The following UNC45B variants were observed in gnomAD, a reference collection of about 807,000 sequenced individuals.
UNC45B encodes unc-45 myosin chaperone B.
A neutral mutation model predicts 98.7 loss-of-function variants in UNC45B; 78 were observed. The ratio of observed to expected loss-of-function variants is 0.79; its 90% confidence interval spans 0.66 to 0.95. The LOEUF (loss-of-function observed/expected upper bound fraction) is 0.95. UNC45B is among the 40% of genes least tolerant of loss of function. The pLI is 0.00. For synonymous variants in UNC45B, 462 were observed against 480.4 expected (o/e 0.96, Z 0.50); for missense variants, 1,225 against 1,184.9 (o/e 1.03, Z -0.50).
Position 35,151,818 on chromosome 17 carries a change from G to A in UNC45B, c.382-1075G>A, listed in dbSNP as rs193033731. Among the ~76,000 whole-genome samples, 14 of 152,346 alleles carry A rather than the reference G, an allele frequency of 9.2e-5. No individual in the cohort carries two copies. The East Asian group carries it at 2.7e-3, about 29-fold the overall frequency. On this transcript the variant is annotated intron_variant, in intron 4 of 19. Coordinates refer to ENST00000394570, the MANE Select transcript of UNC45B (RefSeq NM_001267052.2). ...CACCCCCAAAGGAAATGAGCACAAG[G>A]CTGGGTGTGGTGGCTCACGCCTGTA...
intron 9 of UNC45B, among the ~76,000 whole-genome samples, chr17:35,167,810 T>A (rs980157155): frequency 4.0e-5 from 6 of 151,780 alleles, no homozygotes; most frequent in African/African-American, 1.5e-4. Flanking sequence ...TGAGTCAGAG[T>A]GTATTTCCCA....
In UNC45B at chr17:35,150,166, A is replaced by G; in HGVS notation, c.324A>G (p.Pro108=). 2 of 1,613,730 alleles carry G rather than the reference A, an allele frequency of 1.2e-6. No individual in the cohort carries two copies. Among genetic ancestry groups the G allele is most frequent in the Non-Finnish European group, 1.7e-6 (2 of 1,179,802 alleles). The change falls in exon 4 of 20, where the codon CCA becomes CCG. Residue 108 remains proline (P), a synonymous_variant. Transcript: ENST00000394570. ...KDVQRCATLE[P]RNQNFQEMLR... Reference sequence around the variant, plus strand: ...TGCAGCGTTGTGCCACCCTCGAGCCACGGAACCAGAACTTCCAGGAGATGC... The same window carrying G: ...TGCAGCGTTGTGCCACCCTCGAGCCGCGGAACCAGAACTTCCAGGAGATGC...
chr17:35,161,306 T>C (rs963070879), intron 8 of UNC45B, among the ~76,000 whole-genome samples: 5 of 152,150 alleles, frequency 3.3e-5, no homozygotes, highest in African/African-American at 1.2e-4. Flanking sequence ...TGTTGAGGTG[T>C]TATGTGTTGT....
rs755816336 is a variant in UNC45B at position 35,171,387 on chromosome 17, T to C, written c.1755T>C (p.Asp585=). ...TTLVNCTNSY[D]VKEVIPELVQ... is the part of the protein sequence containing the mutation. ...TGGTGAACTGCACCAACAGCTACGA[T>C]GTCAAGGAGGTCATCCCAGAGCTTG... The change falls in exon 13 of 20, where the codon GAT becomes GAC. Residue 585 remains aspartate (D), a synonymous_variant. Coordinates refer to ENST00000394570, the MANE Select transcript of UNC45B (RefSeq NM_001267052.2). The C allele has an allele frequency of 1.2e-6, 2 of 1,614,054 alleles. No individual in the cohort carries two copies. The highest frequency in any genetic ancestry group is 2.7e-5 in the African/African-American group (2 of 74,930).
chr17:35,171,297 C>A (rs745602476), intron 12 of UNC45B, 25 bp from the exon 13 acceptor site: 4 of 1,606,818 alleles, frequency 2.5e-6, no homozygotes, highest in Non-Finnish European at 3.4e-6. Flanking sequence ...TCTGCTTTCC[C>A]TCTCCCCAAC....
rs1344831821 is a variant in UNC45B, at chr17:35,177,088, C to T, written c.2097C>T (p.Ile699=). Residue 699 remains isoleucine (I), a synonymous_variant, in exon 16 of 20, where the codon ATC becomes ATT. Coordinates refer to ENST00000394570, the MANE Select transcript of UNC45B (RefSeq NM_001267052.2). ...AGGCAGCCCACGCTCTAGCAAAGAT[C>T]GCTGCTGTCTCCAATCCGGACATTG... ...KVKAAHALAK[I]AAVSNPDIAF... is the part of the protein sequence containing the mutation. 3.7e-6 allele frequency: 6 copies of T among 1,614,154 alleles called. No individual in the cohort carries two copies. Among genetic ancestry groups the T allele is most frequent in the East Asian group, 4.5e-5 (2 of 44,876 alleles).
chr17:35,155,961 T>C (rs1372290188), intron 7 of UNC45B, among the ~76,000 whole-genome samples: 1 of 152,220 alleles, frequency 6.6e-6, no homozygotes, highest in Non-Finnish European at 1.5e-5. Flanking sequence ...CGTCTATTGG[T>C]GGGTGACTGG....
In UNC45B at chr17:35,177,588, T is replaced by A; in HGVS notation, c.2233T>A (p.Ser745Thr). 1 of 1,556,132 alleles carries A rather than the reference T, an allele frequency of 6.4e-7. No homozygotes were observed. Among genetic ancestry groups the A allele is most frequent in the Non-Finnish European group, 8.7e-7 (1 of 1,149,156 alleles). ...YEALLGLTNL[S>T]GRSDKLRQKI... Reference sequence around the variant, plus strand: ...GGCTCTCCTAGGCCTCACCAACCTGTCTGGGCGGAGTGACAAACTCCGGTG... The same window carrying A: ...GGCTCTCCTAGGCCTCACCAACCTGACTGGGCGGAGTGACAAACTCCGGTG... Residue 745 changes from serine (S) to threonine (T), a missense_variant, in exon 17 of 20, where the codon TCT becomes ACT. By Grantham distance (58) the Ser-to-Thr change is moderately conservative. Transcript: ENST00000394570.
At position 35,148,444 on chromosome 17, in the gene UNC45B, G is replaced by A. The variant is rs757092574; in HGVS notation, c.168+13G>A. 7 of 1,612,686 alleles carry A rather than the reference G, an allele frequency of 4.3e-6. No homozygotes were observed. The highest frequency in any genetic ancestry group is 1.7e-5 in the Admixed American group (1 of 59,966). Reference sequence around the variant, plus strand: ...TGGCCTGAAAACGGTCTGGGGCAGGGCAGGGCACAGGGTGGGAGTGAGGCA... The same window carrying A: ...TGGCCTGAAAACGGTCTGGGGCAGGACAGGGCACAGGGTGGGAGTGAGGCA... On this transcript the variant is annotated intron_variant, in intron 2 of 19. Coordinates refer to ENST00000394570, the MANE Select transcript of UNC45B (RefSeq NM_001267052.2).
chr17:35,152,012 G>A (rs564102962), intron 4 of UNC45B, among the ~76,000 whole-genome samples: 2 of 152,344 alleles, frequency 1.3e-5, no homozygotes, highest in Admixed American at 6.5e-5. Flanking sequence ...TTGGGAAGCC[G>A]AGGTTGGTGA....
intron 8 of UNC45B, among the ~76,000 whole-genome samples, chr17:35,162,340 C>G (rs553434336): frequency 5.9e-5 from 9 of 152,298 alleles, no homozygotes; most frequent in African/African-American, 1.4e-4. Context: ...AATTGTAGGA[C>G]ACCCATCCAG....
At chr17:35,171,552 G>A (rs1393411893) in intron 13 of UNC45B, 90 bp downstream of exon 13, 14 of 1,510,630 alleles carry the variant, frequency 9.3e-6, no homozygotes, top group East Asian at 2.3e-5. Context: ...TGTCAGGAGT[G>A]GCACGGTGTG....
At chr17:35,161,150 T>C (rs551706186) in intron 8 of UNC45B, among the ~76,000 whole-genome samples, 5 of 152,236 alleles carry the variant, frequency 3.3e-5, no homozygotes, top group Non-Finnish European at 7.3e-5. Context: ...CACCAGGATC[T>C]AGGCTCATCC....
At chr17:35,185,564 C>T (rs1302002346) in intron 19 of UNC45B, among the ~76,000 whole-genome samples, 1 of 152,052 alleles carries the variant, frequency 6.6e-6, no homozygotes, top group African/African-American at 2.4e-5. Flanking sequence ...CCTCGGCCTC[C>T]CAAAGTGCTG....
At chr17:35,156,719 A>C (rs776385759) in intron 7 of UNC45B, among the ~76,000 whole-genome samples, 8 of 152,246 alleles carry the variant, frequency 5.3e-5, no homozygotes, top group Non-Finnish European at 1.2e-4. Flanking sequence ...GGGAAAATAT[A>C]GAACTACGTA....
At chr17:35,179,138 T>C (rs2092256392) in intron 17 of UNC45B, among the ~76,000 whole-genome samples, 1 of 152,236 alleles carries the variant, frequency 6.6e-6, no homozygotes, top group South Asian at 2.1e-4. Context: ...CCATAAACTA[T>C]CTTGGGCAGT....
At chr17:35,181,790 C>CAAA (rs34090979) in intron 18 of UNC45B, among the ~76,000 whole-genome samples, 1 of 115,842 alleles carries the variant, frequency 8.6e-6, no homozygotes, top group Non-Finnish European at 1.7e-5. Context: ...GACTGCATCT[C>CAAA]AAAAAAAAAA....
chr17:35,179,944 A>G (rs1234310366), intron 17 of UNC45B, among the ~76,000 whole-genome samples: 1 of 152,080 alleles, frequency 6.6e-6, no homozygotes, highest in Non-Finnish European at 1.5e-5. Flanking sequence ...GATAAAATGT[A>G]TTCCTCTTTG....
At position 35,186,517 on chromosome 17, in the gene UNC45B, C is replaced by T; in HGVS notation, c.2748C>T (p.Leu916=). 1 of 1,614,214 alleles carries T rather than the reference C, an allele frequency of 6.2e-7. No homozygotes were observed. Among genetic ancestry groups the T allele is most frequent in the Non-Finnish European group, 8.5e-7 (1 of 1,180,036 alleles). ...AEVVQTAREC[L]IKCMDYGFIK... is the part of the protein sequence containing the mutation. ...TGGTTCAGACAGCCCGAGAATGTCT[C>T]ATCAAGTGCATGGATTATGGTTTCA... The change falls in exon 20 of 20, where the codon CTC becomes CTT. Residue 916 remains leucine, a synonymous_variant. Coordinates refer to ENST00000394570, the MANE Select transcript of UNC45B (RefSeq NM_001267052.2).
Sources: gnomAD v4.1 joint callset for allele counts (sites outside exome capture counted in the v4.1 genomes callset) on GRCh38, gnomAD v4.1.1 for gene constraint, MANE v1.5 for transcripts, NCBI Gene and HGNC (gene_info 2026-07-23, HGNC 2026-07-21) for gene names.